Variants in HMCN1 observed in about 807,000 individuals in gnomAD.
HMCN1 encodes the protein hemicentin-1.
Under a neutral mutation model 625.9 loss-of-function variants are expected in HMCN1, and 321 were observed. The observed-to-expected ratio is 0.51, with a 90% CI of 0.47 to 0.56. The LOEUF (loss-of-function observed/expected upper bound fraction) is 0.56. HMCN1 is among the 20% of genes least tolerant of loss of function. HMCN1 has a pLI of 0.00. For missense variants in HMCN1, 6,588 were observed against 6,887.3 expected (o/e 0.96, Z 1.54); for synonymous variants, 2,425 against 2,417.6 (o/e 1.00, Z -0.09).
chr1:185,848,556 G>A (rs1411058965), intron 2 of HMCN1, among the ~76,000 whole-genome samples: 1 of 151,898 alleles, frequency 6.6e-6, no homozygotes, highest in African/African-American at 2.4e-5. Context: ...ATGTAAATAT[G>A]CTTTAGCCTT....
At chr1:185,830,040 G>A (rs780825152) in intron 1 of HMCN1, among the ~76,000 whole-genome samples, 26 of 152,096 alleles carry the variant, frequency 1.7e-4, no homozygotes, top group Non-Finnish European at 3.5e-4. Context: ...CTGCATAAAT[G>A]TCTTCTTTGG....
Position 186,001,687 on chromosome 1 carries a change from A to G in HMCN1, c.4294A>G (p.Lys1432Glu). ...AGAGGATGCAGGAAGATATTCCTGC[A>G]AAGCAATTAATATTGCAGGCACTTC... ...TPEDAGRYSC[K>E]AINIAGTSQK... The change falls in exon 28 of 107, where the codon AAA becomes GAA. Residue 1432 changes from lysine to glutamate, a missense_variant. Physicochemically the swap from Lys to Glu is moderately conservative, Grantham distance 56. Transcript: ENST00000271588. 6.2e-7 allele frequency: 1 copy of G among 1,612,714 alleles called. No individual in the cohort carries two copies. The highest frequency in any genetic ancestry group is 1.3e-5 in the African/African-American group (1 of 74,976).
At chr1:185,795,393 C>T (rs1465629252) in intron 1 of HMCN1, among the ~76,000 whole-genome samples, 1 of 151,762 alleles carries the variant, frequency 6.6e-6, no homozygotes, top group East Asian at 1.9e-4. Context: ...ACCTTTTTTT[C>T]CCAAGAGCTG....
chr1:185,950,355 A>C (rs1571604865), intron 11 of HMCN1, among the ~76,000 whole-genome samples: 2 of 152,030 alleles, frequency 1.3e-5, no homozygotes, highest in African/African-American at 4.8e-5. Flanking sequence ...GAGCCTCTAA[A>C]AGTATTAAAG....
At chr1:185,786,830 T>C (rs151010039) in intron 1 of HMCN1, among the ~76,000 whole-genome samples, 126 of 152,302 alleles carry the variant, frequency 8.3e-4, no homozygotes, top group African/African-American at 2.9e-3. Flanking sequence ...CTGTGGTTAG[T>C]GTCATCATAT....
chr1:185,819,103 G>T (rs577767700), intron 1 of HMCN1, among the ~76,000 whole-genome samples: 1 of 151,912 alleles, frequency 6.6e-6, no homozygotes, highest in East Asian at 1.9e-4. Context: ...TGGGTGTGGT[G>T]GTGGGTGCCT....
At chr1:186,011,252 A>C (rs913197785) in intron 30 of HMCN1, among the ~76,000 whole-genome samples, 3 of 152,088 alleles carry the variant, frequency 2.0e-5, no homozygotes, top group Admixed American at 2.0e-4. Context: ...TCACTGTGTT[A>C]GCCAGGATGG....
chr1:186,008,011 C>A (rs1244808883), intron 30 of HMCN1, among the ~76,000 whole-genome samples: 1 of 152,084 alleles, frequency 6.6e-6, no homozygotes, highest in Non-Finnish European at 1.5e-5. Context: ...TAGAATGTCA[C>A]CTTCTCATAG....
Position 185,911,654 on chromosome 1 carries a change from CT to C in HMCN1, c.794-17del, listed in dbSNP as rs1368717994. 4.6e-6 allele frequency: 7 copies of C among 1,526,396 alleles called. No individual in the cohort carries two copies. The African/African-American group carries it at 6.9e-5, about 15-fold the overall frequency. 94.6% of individuals were successfully genotyped at this position (1,526,396 alleles called of 1,614,324 possible). On this transcript the variant is annotated intron_variant, in intron 5 of 106. Coordinates refer to ENST00000271588, the MANE Select transcript of HMCN1 (RefSeq NM_031935.3). ...CTGAGAGAAGGATTGTGCTTGTTAC[CT>C]TTATGTTCTGTCTTTCAGGGAAGCT... is the stretch of plus-strand genomic sequence containing the variant.
intron 68 of HMCN1, among the ~76,000 whole-genome samples, chr1:186,100,551 C>T (rs1374328845): frequency 2.6e-5 from 4 of 151,998 alleles, no homozygotes; most frequent in Non-Finnish European, 5.9e-5. Context: ...TGCTTTTTAT[C>T]CTGTAACAAT....
intron 1 of HMCN1, among the ~76,000 whole-genome samples, chr1:185,821,232 A>T (rs903744251): frequency 6.6e-6 from 1 of 152,078 alleles, no homozygotes; most frequent in Non-Finnish European, 1.5e-5. Flanking sequence ...CACCAGTATA[A>T]AGGATTGCAT....
At chr1:186,178,206 G>A (rs1303629220) in intron 103 of HMCN1, among the ~76,000 whole-genome samples, 1 of 152,090 alleles carries the variant, frequency 6.6e-6, no homozygotes, top group African/African-American at 2.4e-5. Context: ...GTATTTAGGG[G>A]GAGATTTGCA....
Position 185,948,176 on chromosome 1 carries a change from T to A in HMCN1, c.1829-14342T>A, listed in dbSNP as rs556001939. The stretch of plus-strand genomic sequence containing the variant: ...CACATTTACAGGCTATACAACTCAA[T>A]AGAAATTAGTTCCCTTAATTAAATT... On this transcript the variant is annotated intron_variant, in intron 11 of 106. Transcript: ENST00000271588. Among the ~76,000 whole-genome samples, 3 of 152,336 alleles carry A rather than the reference T, an allele frequency of 2.0e-5. No homozygotes were observed. The East Asian group carries it at 5.8e-4, about 29-fold the overall frequency.
intron 4 of HMCN1, among the ~76,000 whole-genome samples, chr1:185,872,918 AT>A (rs1347936855): frequency 1.3e-5 from 2 of 152,160 alleles, no homozygotes; most frequent in African/African-American, 4.8e-5. Context: ...CTAGTATAAA[AT>A]TCAGAAAACA....
chr1:185,853,115 T>C (rs1662261980), intron 2 of HMCN1, among the ~76,000 whole-genome samples: 1 of 152,158 alleles, frequency 6.6e-6, no homozygotes, highest in African/African-American at 2.4e-5. Context: ...TATTTATTTA[T>C]ATAATTTGTA....
At position 186,117,112 on chromosome 1, in the gene HMCN1, C is replaced by G. The variant is rs751534642; in HGVS notation, c.11680C>G (p.Gln3894Glu). Reference protein sequence around the residue: ...DDKRTVDLTVQVPPSIADEPT... With the variant: ...DDKRTVDLTVEVPPSIADEPT... Reference sequence around the variant, plus strand: ...TAAAAGAACTGTGGATCTCACTGTCCAAGGTAGAATTGGCTTGGAACATGG... The same window carrying G: ...TAAAAGAACTGTGGATCTCACTGTCGAAGGTAGAATTGGCTTGGAACATGG... Residue 3894 changes from glutamine (Q) to glutamate (E), a missense_variant, in exon 76 of 107, where the codon CAA becomes GAA. This residue lies in a region of HMCN1 where 4,628 missense variants were observed against 4,853.1 expected (regional missense o/e 0.95). Coordinates refer to ENST00000271588, the MANE Select transcript of HMCN1 (RefSeq NM_031935.3). The G allele has an allele frequency of 6.2e-7, 1 of 1,613,048 alleles. No individual in the cohort carries two copies. The highest frequency in any genetic ancestry group is 8.5e-7 in the Non-Finnish European group (1 of 1,179,374).
At chr1:186,005,021 A>G (rs1653459398) in intron 29 of HMCN1, among the ~76,000 whole-genome samples, 1 of 151,910 alleles carries the variant, frequency 6.6e-6, no homozygotes, top group Non-Finnish European at 1.5e-5. Context: ...CCATTGATAT[A>G]TTAAAACTTT....
rs41317475 is a variant in HMCN1, at chr1:186,045,642, T to C, written c.6305-46T>C. 3.6e-3 allele frequency: 5,020 copies of C among 1,386,928 alleles called. 137 individuals are homozygous for C. The East Asian group carries it at 0.07, about 19-fold the overall frequency. The allele number at this position is 1,386,928 out of a possible 1,614,324, so 85.9% of individuals were successfully genotyped here. A position where few individuals can be genotyped will look rare whatever the true frequency, so the allele number is the denominator to read the frequency against. On this transcript the variant is annotated intron_variant, in intron 40 of 106. Transcript: ENST00000271588. The stretch of plus-strand genomic sequence containing the variant: ...CCTGATAATTGATGAATGTAAACAG[T>C]GTGCTGGCCTGTTTTATCCTGAAAG...
intron 52 of HMCN1, among the ~76,000 whole-genome samples, chr1:186,072,549 T>G (rs975265631): frequency 6.6e-5 from 10 of 152,104 alleles, no homozygotes; most frequent in African/African-American, 2.4e-4. Context: ...ACATAATGTG[T>G]CAGGTGGGGC....
Sources: allele counts gnomAD v4.1 joint callset (sites outside exome capture counted in the v4.1 genomes callset), GRCh38; gene constraint gnomAD v4.1.1; regional missense constraint gnomAD v4.1.1; transcripts MANE v1.5; gene names NCBI Gene and HGNC (gene_info 2026-07-23, HGNC 2026-07-21).